Variants in PCDH9 observed in about 807,000 individuals in gnomAD.
PCDH9 encodes the protein protocadherin 9.
A neutral mutation model predicts 70.6 loss-of-function variants in PCDH9; 24 were observed. The ratio of observed to expected loss-of-function variants is 0.34; its 90% CI spans 0.25 to 0.48. The LOEUF (loss-of-function observed/expected upper bound fraction) is 0.48. PCDH9 is among the 20% of genes least tolerant of loss of function. The probability of loss-of-function intolerance (pLI) is 0.99; values close to 1 mark genes in which losing one functional copy is unlikely to be tolerated. For missense variants in PCDH9, 1,281 were observed against 1,503.6 expected (o/e 0.85, Z 2.45); for synonymous variants, 562 against 558.5 (o/e 1.01, Z -0.09).
intron 3 of PCDH9, among the ~76,000 whole-genome samples, chr13:66,669,758 G>A (rs1323864829): frequency 2.0e-5 from 3 of 152,118 alleles, no homozygotes; most frequent in Non-Finnish European, 2.9e-5. Context: ...CAGGCTTATT[G>A]TGTAAACATC....
In PCDH9 at chr13:66,825,406, G is replaced by T. The variant is rs183267766; in HGVS notation, c.3138+78098C>A. The stretch of plus-strand genomic sequence containing the variant: ...GGCTGGAGTGCAGTGGCGCGATCTC[G>T]ACTCACTGCAAGCTCCGCCTCCCGG... On this transcript the variant is annotated intron_variant, in intron 3 of 4. Transcript: ENST00000377865. Among the ~76,000 whole-genome samples the T allele has an allele frequency of 8.9e-3, 1,164 of 130,092 alleles. 17 individuals are homozygous for T. The highest frequency in any genetic ancestry group is 0.032 in the African/African-American group (1,097 of 34,654). The allele number at this position is 130,092 out of a possible 152,430, so 85.3% of individuals were successfully genotyped here.
chr13:66,453,936 G>A (rs899612114), intron 4 of PCDH9, among the ~76,000 whole-genome samples: 3 of 151,912 alleles, frequency 2.0e-5, no homozygotes, highest in African/African-American at 7.2e-5. Flanking sequence ...TAAACACATA[G>A]AAGAAAATAT....
chr13:66,513,746 C>T (rs565006790), intron 4 of PCDH9, among the ~76,000 whole-genome samples: 7 of 149,866 alleles, frequency 4.7e-5, no homozygotes, highest in South Asian at 2.1e-4. Context: ...TGAACTATAT[C>T]CTGACTATGC....
At chr13:66,779,895 G>GTGTGTGTGTT (rs1555268256) in intron 3 of PCDH9, among the ~76,000 whole-genome samples, 5 of 147,272 alleles carry the variant, frequency 3.4e-5, no homozygotes, top group African/African-American at 1.3e-4. Flanking sequence ...GTGTGTGTGT[G>GTGTGTGTGTT]TGTGTGTCCG....
At chr13:67,107,562 G>A (rs1425395640) in intron 2 of PCDH9, among the ~76,000 whole-genome samples, 1 of 152,160 alleles carries the variant, frequency 6.6e-6, no homozygotes, top group Non-Finnish European at 1.5e-5. Context: ...CTGCCAACTG[G>A]ACATTGTTGG....
intron 3 of PCDH9, among the ~76,000 whole-genome samples, chr13:66,751,218 T>C (rs932694240): frequency 1.3e-5 from 2 of 152,104 alleles, no homozygotes; most frequent in East Asian, 3.9e-4. Context: ...ATCAAATTTT[T>C]TTTTTCATTT....
chr13:66,589,412 C>T (rs765264144), intron 4 of PCDH9, among the ~76,000 whole-genome samples: 2 of 152,006 alleles, frequency 1.3e-5, no homozygotes, highest in Non-Finnish European at 2.9e-5. Flanking sequence ...CTAATTACCC[C>T]GATCTGATCA....
At chr13:67,224,457 C>T (rs2089802812) in intron 2 of PCDH9, 1 of 152,158 alleles carries the variant, frequency 6.6e-6, no homozygotes, top group African/African-American at 2.4e-5. Context: ...TATCGATATT[C>T]AAATTTTGTG....
intron 3 of PCDH9, among the ~76,000 whole-genome samples, chr13:66,682,265 A>T (rs1233241049): frequency 6.6e-6 from 1 of 152,010 alleles, no homozygotes; most frequent in Non-Finnish European, 1.5e-5. Flanking sequence ...CATCGCCATT[A>T]TAACACATAA....
At chr13:66,942,201 C>A (rs140569885) in intron 2 of PCDH9, among the ~76,000 whole-genome samples, 8 of 151,732 alleles carry the variant, frequency 5.3e-5, no homozygotes, top group Admixed American at 1.3e-4. Context: ...AGAAAATATT[C>A]CTGTTAGTAA....
intron 4 of PCDH9, among the ~76,000 whole-genome samples, chr13:66,578,027 A>C (rs905778342): frequency 2.0e-5 from 3 of 152,098 alleles, no homozygotes; most frequent in Non-Finnish European, 4.4e-5. Flanking sequence ...TGTAAAATGT[A>C]TACCATATAT....
At chr13:66,949,223 G>A (rs1402494171) in intron 2 of PCDH9, among the ~76,000 whole-genome samples, 4 of 152,070 alleles carry the variant, frequency 2.6e-5, no homozygotes, top group African/African-American at 7.2e-5. Context: ...TTATAGCACG[G>A]CAAAGAAAAG....
intron 4 of PCDH9, among the ~76,000 whole-genome samples, chr13:66,500,551 G>A (rs985364147): frequency 1.3e-5 from 2 of 151,648 alleles, no homozygotes; most frequent in African/African-American, 4.8e-5. Flanking sequence ...CATTTAGTAG[G>A]GTTACTGGTT....
chr13:67,035,746 A>C lies in PCDH9; in HGVS notation c.3037-132141T>G, dbSNP rs1168536391. 7.9e-5 allele frequency among the ~76,000 whole-genome samples: 12 copies of C among 152,146 alleles called. No individual in the cohort carries two copies. The East Asian group carries it at 2.3e-3, about 29-fold the overall frequency. ...TCCACAACTATTCAAAAAGCTGAAA[A>C]GATAAATATAAGGAAATCTTTCACT... On this transcript the variant is annotated intron_variant, in intron 2 of 4. Transcript: ENST00000377865.
intron 2 of PCDH9, among the ~76,000 whole-genome samples, chr13:67,028,749 C>T (rs1403061686): frequency 3.9e-5 from 6 of 151,988 alleles, no homozygotes; most frequent in Admixed American, 2.6e-4. Context: ...CTTCTCACCT[C>T]GAAAATGTTT....
At chr13:66,380,960 G>C (rs1382762302) in intron 4 of PCDH9, among the ~76,000 whole-genome samples, 3 of 152,018 alleles carry the variant, frequency 2.0e-5, no homozygotes, top group Non-Finnish European at 4.4e-5. Context: ...GAAGTAATAC[G>C]CGTGTCAACT....
At position 66,348,990 on chromosome 13, in the gene PCDH9, T is replaced by G. The variant is rs183994951; in HGVS notation, c.3341-43962A>C. On this transcript the variant is annotated intron_variant, in intron 4 of 4. Transcript: ENST00000377865. ...ACACATAATTCAGATATAAATGAGATGCCAAAAATAGTCACCAGACATATC... is the reference window on the plus strand; with the variant it reads ...ACACATAATTCAGATATAAATGAGAGGCCAAAAATAGTCACCAGACATATC... Among the ~76,000 whole-genome samples the G allele has an allele frequency of 7.7e-4, 117 of 152,280 alleles. 1 individual carries two copies. The highest frequency in any genetic ancestry group is 2.1e-3 in the Admixed American group (32 of 15,288).
intron 3 of PCDH9, among the ~76,000 whole-genome samples, chr13:66,778,985 T>C (rs2079946380): frequency 6.6e-6 from 1 of 152,234 alleles, no homozygotes; most frequent in Admixed American, 6.5e-5. Flanking sequence ...TCATATTCAT[T>C]CAGGATTTGA....
At chr13:66,818,717 G>C (rs1298182863) in intron 3 of PCDH9, among the ~76,000 whole-genome samples, 1 of 152,076 alleles carries the variant, frequency 6.6e-6, no homozygotes, top group Non-Finnish European at 1.5e-5. Flanking sequence ...CGGATCACGA[G>C]GTCAGGAGAT....
Sources: gnomAD v4.1 joint callset for allele counts (sites outside exome capture counted in the v4.1 genomes callset) on GRCh38, gnomAD v4.1.1 for gene constraint, MANE v1.5 for transcripts, NCBI Gene and HGNC (gene_info 2026-07-23, HGNC 2026-07-21) for gene names.